SNTG1: variants seen among roughly 807,000 people sequenced by gnomAD.
The protein encoded by SNTG1 is gamma-1-syntrophin.
A neutral mutation model predicts 74.7 loss-of-function variants in SNTG1; 39 were observed. That is an observed-to-expected ratio of 0.52 (90% CI 0.40 to 0.68). SNTG1 has a LOEUF of 0.68. SNTG1 is among the 30% of genes least tolerant of loss of function. SNTG1 has a pLI of 0.00. For missense variants in SNTG1, 685 were observed against 609.5 expected, an observed-to-expected ratio of 1.12 and a Z score of -1.30; for synonymous variants, 254 against 217.1, an observed-to-expected ratio of 1.17 and a Z score of -1.49.
At chr8:50,396,839 C>G (rs2092734242) in intron 3 of SNTG1, among the ~76,000 whole-genome samples, 2 of 152,076 alleles carry the variant, frequency 1.3e-5, no homozygotes, top group Admixed American at 1.3e-4. Flanking sequence ...AAGATCCAAC[C>G]TAGGTCCTAT....
chr8:50,708,875 G>T lies in SNTG1; in HGVS notation c.1192-11G>T, dbSNP rs2131551229. On this transcript the variant is annotated splice_polypyrimidine_tract_variant and intron_variant, in intron 16 of 18. Coordinates refer to ENST00000642720, the MANE Select transcript of SNTG1 (RefSeq NM_018967.5). ...AACATGAAAAGTAACAATACTTTCT[G>T]TTCTACCTAGTGCAAGACCTATGCA... The T allele has an allele frequency of 6.3e-7, 1 of 1,591,338 alleles. No individual in the cohort carries two copies. The highest frequency in any genetic ancestry group is 8.6e-7 in the Non-Finnish European group (1 of 1,160,036).
At chr8:50,346,299 A>G (rs1430496279) in intron 2 of SNTG1, among the ~76,000 whole-genome samples, 1 of 152,146 alleles carries the variant, frequency 6.6e-6, no homozygotes, top group Non-Finnish European at 1.5e-5. Context: ...TATATCTGTT[A>G]TGGGGATCTG....
chr8:50,350,029 C>A (rs754682150), intron 2 of SNTG1, among the ~76,000 whole-genome samples: 1 of 152,178 alleles, frequency 6.6e-6, no homozygotes, highest in Non-Finnish European at 1.5e-5. Context: ...GCCAGGCCTG[C>A]CGGCCGGGCA....
At chr8:50,564,118 G>GT (rs34059510) in intron 12 of SNTG1, among the ~76,000 whole-genome samples, 32,267 of 144,898 alleles carry the variant, frequency 0.22, 5,488 homozygotes, top group African/African-American at 0.48. Context: ...GTTGCAGTCC[G>GT]TTTTTTTTTT....
At chr8:50,491,905 G>A (rs902453040) in intron 8 of SNTG1, among the ~76,000 whole-genome samples, 1 of 143,712 alleles carries the variant, frequency 7.0e-6, no homozygotes, top group Non-Finnish European at 1.5e-5. Context: ...CCACCCGCAG[G>A]CCCCAGTGTG....
intron 13 of SNTG1, among the ~76,000 whole-genome samples, chr8:50,629,265 CACTATTAGATTTTTTATT>C (rs1161152225): frequency 2.6e-5 from 4 of 151,898 alleles, no homozygotes; most frequent in Non-Finnish European, 5.9e-5. Context: ...AATTTTTTAT[CACTATTAGATTTTTTATT>C]GCAATATTTT....
intron 2 of SNTG1, among the ~76,000 whole-genome samples, chr8:50,315,622 G>T (rs1362701172): frequency 6.7e-6 from 1 of 149,916 alleles, no homozygotes; most frequent in Non-Finnish European, 1.5e-5. Context: ...CAGAAAACCT[G>T]CAGTGTAGAA....
chr8:50,368,454 A>G lies in SNTG1; in HGVS notation c.-27-25758A>G, dbSNP rs577009842. Among the ~76,000 whole-genome samples, 29 of 152,224 alleles carry G rather than the reference A, an allele frequency of 1.9e-4. 1 individual carries two copies. In the South Asian group the frequency reaches 5.8e-3, roughly 31 times the overall value. On this transcript the variant is annotated intron_variant, in intron 2 of 18. Transcript: ENST00000642720. ...AATTTCTCAGCTTATCTATAATGCA[A>G]AAACTGGAGAAGTCTGTTCTGGAGA...
chr8:50,617,298 T>G (rs570947166), intron 13 of SNTG1, among the ~76,000 whole-genome samples: 1 of 152,126 alleles, frequency 6.6e-6, no homozygotes, highest in African/African-American at 2.4e-5. Flanking sequence ...AATCCTCAGT[T>G]AATTTGTTCA....
intron 18 of SNTG1, among the ~76,000 whole-genome samples, chr8:50,773,528 G>T (rs555450537): frequency 7.6e-4 from 116 of 152,076 alleles, no homozygotes; most frequent in African/African-American, 2.6e-3. Context: ...CAGAAATATT[G>T]GTCAAAACAA....
chr8:50,303,474 T>C, intron 2 of SNTG1, among the ~76,000 whole-genome samples: 1 of 152,102 alleles, frequency 6.6e-6, no homozygotes, highest in African/African-American at 2.4e-5. Flanking sequence ...AAAAATAATA[T>C]AAAACTTATG....
intron 2 of SNTG1, among the ~76,000 whole-genome samples, chr8:50,237,698 T>C (rs2085976367): frequency 1.3e-5 from 2 of 152,116 alleles, no homozygotes; most frequent in Admixed American, 6.5e-5. Context: ...TCCATCACTG[T>C]TAAGATTCTC....
intron 18 of SNTG1, among the ~76,000 whole-genome samples, chr8:50,764,494 A>G (rs1221668190): frequency 6.6e-6 from 1 of 151,940 alleles, no homozygotes; most frequent in Admixed American, 6.6e-5. Flanking sequence ...AGACATAATA[A>G]TGGCCAACAT....
rs572484599 is a variant in SNTG1 at position 50,007,436 on chromosome 8, C to T, written c.-103+95205C>T. ...TCACCATATTGTCTGGACTGGAAAT[C>T]TCTTTCATTTTAAAACGTAGGCATT... On this transcript the variant is annotated intron_variant, in intron 1 of 18. Transcript: ENST00000642720. 1.5e-4 allele frequency among the ~76,000 whole-genome samples: 23 copies of T among 152,180 alleles called. No individual in the cohort carries two copies. The South Asian group carries it at 4.8e-3, about 32-fold the overall frequency.
chr8:50,365,436 A>C (rs77082311), intron 2 of SNTG1, among the ~76,000 whole-genome samples: 7,491 of 152,188 alleles, frequency 0.049, 249 homozygotes, highest in Non-Finnish European at 0.071. Context: ...TGTTTATTTG[A>C]ATTTGAATAT....
At chr8:50,740,231 G>A (rs2095539713) in intron 17 of SNTG1, among the ~76,000 whole-genome samples, 1 of 151,408 alleles carries the variant, frequency 6.6e-6, no homozygotes, top group Non-Finnish European at 1.5e-5. Context: ...ATCTGACAAA[G>A]GTCTAATATC....
intron 1 of SNTG1, among the ~76,000 whole-genome samples, chr8:50,154,101 G>T (rs1259848593): frequency 6.6e-6 from 1 of 152,100 alleles, no homozygotes; most frequent in African/African-American, 2.4e-5. Context: ...CCTCAGCAAT[G>T]GTGGGCACCC....
At chr8:50,368,952 G>A (rs544079462) in intron 2 of SNTG1, among the ~76,000 whole-genome samples, 2 of 152,220 alleles carry the variant, frequency 1.3e-5, no homozygotes, top group South Asian at 2.1e-4. Context: ...CAGCGCTGGA[G>A]GGGAATTTTG....
rs918490808 is a variant in SNTG1 at position 50,795,404 on chromosome 8, A to G, written c.*2575A>G. The G allele has an allele frequency of 6.6e-6, 1 of 152,084 alleles. No individual in the cohort carries two copies. Among genetic ancestry groups the G allele is most frequent in the African/African-American group, 2.4e-5 (1 of 41,448 alleles). The allele number at this position is 152,084 out of a possible 1,614,324, so 9.4% of individuals were successfully genotyped here. A position where few individuals can be genotyped will look rare whatever the true frequency, so the allele number is the denominator to read the frequency against. On this transcript the variant is annotated 3_prime_UTR_variant, in exon 19 of 19. Transcript: ENST00000642720. ...GAATGAGAAAGCTTTGAAATGAACA[A>G]AAACACTTAAAAATTTCTATCTCTC...
Sources: gnomAD v4.1 joint callset for allele counts (sites outside exome capture counted in the v4.1 genomes callset) on GRCh38, gnomAD v4.1.1 for gene constraint, MANE v1.5 for transcripts, NCBI Gene and HGNC (gene_info 2026-07-23, HGNC 2026-07-21) for gene names.